Variants in KCNQ1 observed in about 807,000 individuals in gnomAD.
KCNQ1 encodes potassium voltage-gated channel subfamily Q member 1, also known as potassium voltage-gated channel subfamily KQT member 1.
Under a neutral mutation model 72.4 loss-of-function variants are expected in KCNQ1, and 49 were observed. That is an observed-to-expected ratio of 0.68 (90% CI 0.54 to 0.86). The LOEUF is 0.86. Among genes scored for constraint, KCNQ1 ranks in the 40% least tolerant of loss-of-function variants. KCNQ1 has a pLI of 0.00. For synonymous variants in KCNQ1, 450 were observed against 412.6 expected, an observed-to-expected ratio of 1.09 and a Z score of -1.10; for missense variants, 790 against 945.1, an observed-to-expected ratio of 0.84 and a Z score of 2.15.
chr11:2,669,108 C>T lies in KCNQ1; in HGVS notation c.1514+7027C>T, dbSNP rs1028581496. ...GTCTTTACAATCAGCTCACTGGCTACGTGTGGCTCTGTTTCTGGACCCTAT... is the reference window on the plus strand; with the variant it reads ...GTCTTTACAATCAGCTCACTGGCTATGTGTGGCTCTGTTTCTGGACCCTAT... On this transcript the variant is annotated intron_variant, in intron 11 of 15. Coordinates refer to ENST00000155840, the MANE Select transcript of KCNQ1 (RefSeq NM_000218.3). This position sits in a 1 kb window ranked among gnomAD's most constrained non-coding sequence, Gnocchi z 5.6. 5.3e-5 allele frequency: 21 copies of T among 398,586 alleles called. No individual in the cohort carries two copies. Among genetic ancestry groups the T allele is most frequent in the Non-Finnish European group, 7.5e-5 (17 of 226,128 alleles). 24.7% of individuals were successfully genotyped at this position (398,586 alleles called of 1,614,324 possible). A position where few individuals can be genotyped will look rare whatever the true frequency, so the allele number is the denominator to read the frequency against.
Position 2,704,608 on chromosome 11 carries a change from CAG to C in KCNQ1, c.1514+42535_1514+42536del, listed in dbSNP as rs1850876906. On this transcript the variant is annotated intron_variant, in intron 11 of 15. Transcript: ENST00000155840. The surrounding 1 kb of genome is among the most constrained non-coding windows in gnomAD (Gnocchi z 4.3). ...TAGAAAGGTCACTCTGGCTGCTGAA[CAG>C]AGAGAGAACTGAAGAGAGGCAGCAG... 6.6e-6 allele frequency among the ~76,000 whole-genome samples: 1 copy of C among 152,190 alleles called. No individual in the cohort carries two copies. The highest frequency in any genetic ancestry group is 1.5e-5 in the Non-Finnish European group (1 of 68,046).
chr11:2,743,038 T>C (rs1412852568), intron 11 of KCNQ1, among the ~76,000 whole-genome samples: 1 of 152,118 alleles, frequency 6.6e-6, no homozygotes, highest in East Asian at 1.9e-4. Context: ...CTCGTGAATT[T>C]TTCATATTTT....
intron 10 of KCNQ1, chr11:2,648,634 G>T (rs1290864027): frequency 1.0e-5 from 4 of 398,404 alleles, no homozygotes; most frequent in Non-Finnish European, 1.8e-5. Context: ...GGTCTGAGAA[G>T]ATACTTGATA....
chr11:2,736,908 G>C (rs1447325845), intron 11 of KCNQ1, among the ~76,000 whole-genome samples: 1 of 152,192 alleles, frequency 6.6e-6, no homozygotes, highest in Non-Finnish European at 1.5e-5. Flanking sequence ...GCCTGGGCCT[G>C]CCTCGGGCTA....
rs1847507434 is a variant in KCNQ1 at position 2,526,433 on chromosome 11, T to A, written c.387-1495T>A. On this transcript the variant is annotated intron_variant, in intron 1 of 15. Transcript: ENST00000155840. The surrounding 1 kb of genome is among the most constrained non-coding windows in gnomAD (Gnocchi z 6.1). ...CCAGTCCCAGCAGCGGGACTATGGC[T>A]GTGGGGAGGGAGGAACCCAGGGAGG... Among the ~76,000 whole-genome samples, 1 of 151,710 alleles carries A rather than the reference T, an allele frequency of 6.6e-6. No individual in the cohort carries two copies. Among genetic ancestry groups the A allele is most frequent in the African/African-American group, 2.4e-5 (1 of 41,258 alleles).
At position 2,515,413 on chromosome 11, in the gene KCNQ1, G is replaced by A. The variant is rs1271469830; in HGVS notation, c.387-12515G>A. On this transcript the variant is annotated intron_variant, in intron 1 of 15. Transcript: ENST00000155840. This position sits in a 1 kb window ranked among gnomAD's most constrained non-coding sequence, Gnocchi z 4.7. ...TGTGTGAGGGAGGGCGGAGCCCCTG[G>A]CCCAGGGGCGGGGAGGCCTGTCCAC... Among the ~76,000 whole-genome samples the A allele has an allele frequency of 1.9e-5, 1 of 52,022 alleles. No homozygotes were observed. Among genetic ancestry groups the A allele is most frequent in the Non-Finnish European group, 8.9e-5 (1 of 11,280 alleles). 34.1% of individuals were successfully genotyped at this position (52,022 alleles called of 152,430 possible). A position where few individuals can be genotyped will look rare whatever the true frequency, so the allele number is the denominator to read the frequency against.
chr11:2,732,756 CAT>C (rs1391747658), intron 11 of KCNQ1, among the ~76,000 whole-genome samples: 1 of 152,168 alleles, frequency 6.6e-6, no homozygotes, highest in East Asian at 1.9e-4. Flanking sequence ...CTTGAACAAA[CAT>C]ATTTATTGTG....
In KCNQ1 at chr11:2,465,305, A is replaced by C. The variant is rs533156191; in HGVS notation, c.386+19821A>C. Reference sequence around the variant, plus strand: ...TCCAAGGCCTGCCAGGCTGGCCTCCAGTCCAGGTGTGAGGCCCTGAGGCCC... The same window carrying C: ...TCCAAGGCCTGCCAGGCTGGCCTCCCGTCCAGGTGTGAGGCCCTGAGGCCC... On this transcript the variant is annotated intron_variant, in intron 1 of 15. Coordinates refer to ENST00000155840, the MANE Select transcript of KCNQ1 (RefSeq NM_000218.3). Among the ~76,000 whole-genome samples, 18 of 152,292 alleles carry C rather than the reference A, an allele frequency of 1.2e-4. No individual in the cohort carries two copies. In the East Asian group the frequency reaches 1.7e-3, roughly 15 times the overall value.
intron 2 of KCNQ1, among the ~76,000 whole-genome samples, chr11:2,534,893 A>G (rs1266678992): frequency 6.6e-6 from 1 of 152,240 alleles, no homozygotes; most frequent in Non-Finnish European, 1.5e-5. Context: ...TGAAAGGCAG[A>G]GCTGGACTGA....
At chr11:2,811,888 C>A (rs139601303) in intron 15 of KCNQ1, among the ~76,000 whole-genome samples, 2 of 152,342 alleles carry the variant, frequency 1.3e-5, no homozygotes, top group African/African-American at 4.8e-5. Context: ...CTACAGTTTC[C>A]TGAGCTCCCG....
At chr11:2,776,963 G>A in intron 13 of KCNQ1, 23 bp from the exon 14 acceptor site, 1 of 1,613,242 alleles carries the variant, frequency 6.2e-7, no homozygotes, top group Non-Finnish European at 8.5e-7. Context: ...GGTGTGAACT[G>A]GTGTCTGTGT....
chr11:2,513,995 T>G (rs762198732), intron 1 of KCNQ1, among the ~76,000 whole-genome samples: 5 of 152,168 alleles, frequency 3.3e-5, no homozygotes, highest in Non-Finnish European at 5.9e-5. Flanking sequence ...GGCAAGTGGC[T>G]CCCGGGCCCC....
intron 15 of KCNQ1, among the ~76,000 whole-genome samples, chr11:2,819,978 G>T (rs1262480961): frequency 6.6e-6 from 1 of 152,026 alleles, no homozygotes; most frequent in Non-Finnish European, 1.5e-5. Flanking sequence ...ATTCTTATTT[G>T]TTACTTTACT....
Position 2,803,670 on chromosome 11 carries a change from C to T in KCNQ1, c.1794+25633C>T, listed in dbSNP as rs1847318460. On this transcript the variant is annotated intron_variant, in intron 15 of 15. Coordinates refer to ENST00000155840, the MANE Select transcript of KCNQ1 (RefSeq NM_000218.3). The surrounding 1 kb of genome is among the most constrained non-coding windows in gnomAD (Gnocchi z 6.4). ...CCCAGCCTGCCCACCCCCAGCCTGT[C>T]CCCCAAATGCCCAGGGCTGTGGCCT... is the stretch of plus-strand genomic sequence containing the variant. Among the ~76,000 whole-genome samples, 1 of 152,078 alleles carries T rather than the reference C, an allele frequency of 6.6e-6. No homozygotes were observed. The highest frequency in any genetic ancestry group is 2.4e-5 in the African/African-American group (1 of 41,408).
chr11:2,799,317 G>A (rs550136284), intron 15 of KCNQ1, among the ~76,000 whole-genome samples: 19 of 152,274 alleles, frequency 1.2e-4, no homozygotes, highest in Middle Eastern at 3.4e-3. Context: ...GACAACCAGC[G>A]CTCTTTGGAA....
At chr11:2,716,258 A>G (rs1851090996) in intron 11 of KCNQ1, among the ~76,000 whole-genome samples, 1 of 151,872 alleles carries the variant, frequency 6.6e-6, no homozygotes, top group Non-Finnish European at 1.5e-5. Flanking sequence ...TAGGGAAAGA[A>G]GTCAGAAAAA....
rs1172269107 is a variant in KCNQ1, at chr11:2,626,381, C to T, written c.1394-35580C>T. 1 of 398,500 alleles carries T rather than the reference C, an allele frequency of 2.5e-6. No homozygotes were observed. The highest frequency in any genetic ancestry group is 4.4e-6 in the Non-Finnish European group (1 of 226,086). 24.7% of individuals were successfully genotyped at this position (398,500 alleles called of 1,614,324 possible). ...CCATTTGTTGAAAATACAGCACTTT[C>T]CCTATTGAATGGTCTTGGCACTCTT... is the stretch of plus-strand genomic sequence containing the variant. On this transcript the variant is annotated intron_variant, in intron 10 of 15. Transcript: ENST00000155840. The surrounding 1 kb of genome is among the most constrained non-coding windows in gnomAD (Gnocchi z 4.0).
chr11:2,521,296 C>T (rs1180914434), intron 1 of KCNQ1, among the ~76,000 whole-genome samples: 4 of 152,050 alleles, frequency 2.6e-5, no homozygotes, highest in Non-Finnish European at 4.4e-5. Context: ...CCCTCTCCCT[C>T]GGCCCCGCTG....
rs560256824 is a variant in KCNQ1 at position 2,615,041 on chromosome 11, C to G, written c.1393+26187C>G. The G allele has an allele frequency of 1.5e-5, 6 of 398,266 alleles. No homozygotes were observed. In the South Asian group the frequency reaches 7.7e-4, roughly 51 times the overall value. The allele number at this position is 398,266 out of a possible 1,614,324, so 24.7% of individuals were successfully genotyped here. A position where few individuals can be genotyped will look rare whatever the true frequency, so the allele number is the denominator to read the frequency against. On this transcript the variant is annotated intron_variant, in intron 10 of 15. Transcript: ENST00000155840. ...ATCTGTGAACACAGGATGTATAGTT[C>G]TATTTATTTAAGTCTTCTTTAATTT...
Sources: allele counts gnomAD v4.1 joint callset (sites outside exome capture counted in the v4.1 genomes callset), GRCh38; gene constraint gnomAD v4.1.1; non-coding constraint Gnocchi (gnomAD v3.1); transcripts MANE v1.5; gene names NCBI Gene and HGNC (gene_info 2026-07-23, HGNC 2026-07-21).